Variants in WDR47 observed in about 807,000 individuals in gnomAD.
WDR47 encodes WD repeat domain 47.
In WDR47, 32 loss-of-function variants were observed where a neutral mutation model predicts 97.2. The ratio of observed to expected loss-of-function variants is 0.33; its 90% CI spans 0.25 to 0.44. The LOEUF is 0.44. Among genes scored for constraint, WDR47 ranks in the 20% least tolerant of loss-of-function variants. WDR47 has a pLI of 1.00. For synonymous variants in WDR47, 375 were observed against 373.5 expected (o/e 1.00, Z -0.05); for missense variants, 782 against 1,102.3 (o/e 0.71, Z 4.11).
At chr1:109,012,777 G>A (rs1408190009) in intron 4 of WDR47, among the ~76,000 whole-genome samples, 1 of 152,100 alleles carries the variant, frequency 6.6e-6, no homozygotes, top group African/African-American at 2.4e-5. Context: ...TATGGGAAAA[G>A]TCAGGGTACA....
intron 1 of WDR47, among the ~76,000 whole-genome samples, chr1:109,031,876 T>G (rs139760045): frequency 1.5e-5 from 2 of 131,058 alleles, no homozygotes; most frequent in East Asian, 4.6e-4. Context: ...CTTAGCTCAC[T>G]GCAGCCTTGA....
At chr1:109,022,565 A>ATT (rs1286950430) in intron 2 of WDR47, among the ~76,000 whole-genome samples, 1 of 152,122 alleles carries the variant, frequency 6.6e-6, no homozygotes, top group African/African-American at 2.4e-5. Flanking sequence ...AGAAAGCATT[A>ATT]TTTTGTAAAT....
At chr1:108,998,781 A>C (rs2101890933) in intron 7 of WDR47, among the ~76,000 whole-genome samples, 1 of 152,368 alleles carries the variant, frequency 6.6e-6, no homozygotes, top group South Asian at 2.1e-4. Context: ...AAATCTAGAA[A>C]TAATGACCTG....
chr1:109,009,912 T>A (rs1239276368), intron 5 of WDR47, among the ~76,000 whole-genome samples: 1 of 151,742 alleles, frequency 6.6e-6, no homozygotes, highest in Non-Finnish European at 1.5e-5. Flanking sequence ...GCAGGAGAAT[T>A]GCTTGAACCC....
chr1:108,986,810 C>T (rs1658865658), intron 9 of WDR47, 130 bp from the exon 10 acceptor site: 1 of 744,946 alleles, frequency 1.3e-6, no homozygotes, highest in Non-Finnish European at 2.1e-6. Flanking sequence ...TGCCAATAAC[C>T]ATATATTCTT....
chr1:109,030,622 C>A (rs1662556234), intron 1 of WDR47, among the ~76,000 whole-genome samples: 1 of 90,216 alleles, frequency 1.1e-5, no homozygotes, highest in Non-Finnish European at 2.6e-5. Context: ...CCAAGTATTA[C>A]AGAGTGCCTA....
intron 7 of WDR47, among the ~76,000 whole-genome samples, chr1:108,997,321 T>C (rs1659826323): frequency 6.7e-6 from 1 of 148,458 alleles, no homozygotes; most frequent in South Asian, 2.1e-4. Context: ...TGCAGGCCTA[T>C]GGTCCTAGCT....
intron 1 of WDR47, among the ~76,000 whole-genome samples, chr1:109,034,995 C>T (rs1662834130): frequency 6.6e-6 from 1 of 151,800 alleles, no homozygotes; most frequent in South Asian, 2.1e-4. Context: ...GTGGCTCATG[C>T]CTATAACCCC....
intron 5 of WDR47, among the ~76,000 whole-genome samples, chr1:109,008,764 C>T (rs1011287585): frequency 1.3e-5 from 2 of 151,936 alleles, no homozygotes; most frequent in African/African-American, 4.8e-5. Context: ...CGTGCCACCA[C>T]ACCCAACTAA....
intron 6 of WDR47, 88 bp from the exon 7 acceptor site, chr1:109,002,490 A>C: frequency 9.5e-7 from 1 of 1,056,820 alleles, no homozygotes; most frequent in Non-Finnish European, 1.3e-6. Context: ...GCTGAATAAA[A>C]TATACAATTA....
At chr1:108,985,818 G>C (rs1258407171) in intron 10 of WDR47, among the ~76,000 whole-genome samples, 3 of 151,856 alleles carry the variant, frequency 2.0e-5, no homozygotes, top group African/African-American at 7.3e-5. Flanking sequence ...AGAGAATTTT[G>C]CCATTCTTTC....
chr1:108,995,728 A>G lies in WDR47; in HGVS notation c.1543T>C (p.Ser515Pro). The change falls in exon 8 of 15, where the codon TCT (serine) becomes CCT (proline). Residue 515 changes from serine (S) to proline (P), a missense_variant. Coordinates refer to ENST00000369962, the MANE Select transcript of WDR47 (RefSeq NM_001142551.2). The part of the protein sequence containing the change: ...NGSKGNGSNG[S>P]SVTSFTTPPQ... ...GGTGTAGTAAAACTAGTCACAGAAGAACCATTAGATCCATTGCCTTTGCTC... is the reference window on the plus strand; with the variant it reads ...GGTGTAGTAAAACTAGTCACAGAAGGACCATTAGATCCATTGCCTTTGCTC... The G allele has an allele frequency of 1.2e-6, 2 of 1,614,152 alleles. No individual in the cohort carries two copies. The highest frequency in any genetic ancestry group is 1.7e-6 in the Non-Finnish European group (2 of 1,180,016).
intron 7 of WDR47, among the ~76,000 whole-genome samples, chr1:109,000,508 C>CA (rs71069634): frequency 0.86 from 60,430 of 70,474 alleles, 26,691 homozygotes; most frequent in East Asian, 0.95. Context: ...GACTCTGTCT[C>CA]AAAAAAAAAA....
intron 7 of WDR47, 26 bp downstream of exon 7, chr1:109,002,198 T>G: frequency 6.5e-7 from 1 of 1,526,728 alleles, no homozygotes; most frequent in South Asian, 1.3e-5. Context: ...TAACTCCATA[T>G]TTTAAAAAGT....
At chr1:109,025,796 C>A (rs752664861) in intron 1 of WDR47, among the ~76,000 whole-genome samples, 6 of 151,934 alleles carry the variant, frequency 3.9e-5, no homozygotes, top group Non-Finnish European at 8.8e-5. Flanking sequence ...AGGGACAAAC[C>A]ACAGAAAAAT....
Position 109,002,420 on chromosome 1 carries a change from A to G in WDR47, c.1255-18T>C, listed in dbSNP as rs750506373. ...TCTCGAAGCTTAAAAACATTAGAAA[A>G]AAACATATATATTTGAGCAAACTAT... On this transcript the variant is annotated intron_variant, in intron 6 of 14. Transcript: ENST00000369962. The G allele has an allele frequency of 2.6e-6, 4 of 1,553,246 alleles. No individual in the cohort carries two copies. Among genetic ancestry groups the G allele is most frequent in the Non-Finnish European group, 3.5e-6 (4 of 1,151,564 alleles).
intron 4 of WDR47, among the ~76,000 whole-genome samples, chr1:109,012,545 C>CCTG (rs1304430676): frequency 8.9e-6 from 1 of 111,934 alleles, no homozygotes; most frequent in Non-Finnish European, 1.7e-5. Flanking sequence ...TGCACTCCAG[C>CCTG]CTGGGTGACA....
chr1:109,024,127 G>T (rs1178888579), intron 1 of WDR47, among the ~76,000 whole-genome samples: 1 of 152,192 alleles, frequency 6.6e-6, no homozygotes, highest in South Asian at 2.1e-4. Context: ...GGTCAGTACA[G>T]CGGAGCCAAA....
At chr1:109,015,102 A>G (rs1350328707) in intron 3 of WDR47, among the ~76,000 whole-genome samples, 1 of 152,182 alleles carries the variant, frequency 6.6e-6, no homozygotes, top group African/African-American at 2.4e-5. Flanking sequence ...TGTACCAGGT[A>G]AAGGCAGGAG....
Sources: allele counts gnomAD v4.1 joint callset (sites outside exome capture counted in the v4.1 genomes callset), GRCh38; gene constraint gnomAD v4.1.1; transcripts MANE v1.5; gene names NCBI Gene and HGNC (gene_info 2026-07-23, HGNC 2026-07-21).